The following SAP130 variants were observed in gnomAD, a reference collection of about 807,000 sequenced individuals.
The protein encoded by SAP130 is Sin3A associated protein 130.
A neutral mutation model predicts 103.2 loss-of-function variants in SAP130; 16 were observed. The observed-to-expected ratio is 0.16, with a 90% CI of 0.10 to 0.24. SAP130 has a LOEUF of 0.24. Ranked by LOEUF, SAP130 falls within the 10% of genes least tolerant of loss-of-function variation. The pLI is 1.00. For synonymous variants in SAP130, 477 were observed against 497.0 expected (o/e 0.96, Z 0.53); for missense variants, 990 against 1,359.7 (o/e 0.73, Z 4.28).
chr2:127,950,340 G>A lies in SAP130; in HGVS notation c.2491C>T (p.Pro831Ser). Residue 831 changes from proline to serine, a missense_variant, in exon 17 of 21, where the codon CCT becomes TCT. Physicochemically the swap from Pro to Ser is moderately conservative, Grantham distance 74 (BLOSUM62 -1). Coordinates refer to ENST00000643581, the MANE Select transcript of SAP130 (RefSeq NM_001330301.2). ...LALLANNLSMPTSDLPPGASP... is the reference protein window; with the variant it reads ...LALLANNLSMSTSDLPPGASP... ...GCACCAGGTGGTAGGTCACTTGTAG[G>A]CATGGACAAGTTGTTTGCCAGCAAT... The A allele has an allele frequency of 6.2e-7, 1 of 1,614,148 alleles. No individual in the cohort carries two copies. The highest frequency in any genetic ancestry group is 8.5e-7 in the Non-Finnish European group (1 of 1,179,992).
rs982785425 is a variant in SAP130, at chr2:127,941,951, C to T, written c.*55G>A. On this transcript the variant is annotated 3_prime_UTR_variant, in exon 21 of 21. Transcript: ENST00000643581. ...TTGGAAAAAACCAAAACCCTCCCCC[C>T]ACCCCCACCATCATTCTTCATAAAT... is the stretch of plus-strand genomic sequence containing the variant. 1.9e-5 allele frequency: 6 copies of T among 308,288 alleles called. 1 individual carries two copies. The highest frequency in any genetic ancestry group is 3.6e-5 in the Non-Finnish European group (6 of 165,330). The allele number at this position is 308,288 out of a possible 1,614,324, so 19.1% of individuals were successfully genotyped here.
chr2:128,000,246 T>G, intron 8 of SAP130, 61 bp downstream of exon 8: 1 of 1,610,894 alleles, frequency 6.2e-7, no homozygotes, highest in East Asian at 2.2e-5. Flanking sequence ...CTCAGCACAT[T>G]TTGCCCACTT....
intron 19 of SAP130, among the ~76,000 whole-genome samples, chr2:127,943,303 T>C (rs1281631764): frequency 1.3e-5 from 2 of 152,214 alleles, no homozygotes; most frequent in African/African-American, 4.8e-5. Context: ...GAAGGAGGGA[T>C]TCTTGCCCTA....
intron 15 of SAP130, among the ~76,000 whole-genome samples, chr2:127,959,805 A>C: frequency 6.6e-6 from 1 of 152,332 alleles, no homozygotes; most frequent in East Asian, 1.9e-4. Flanking sequence ...ATGAATCAAA[A>C]AGATAGAAAA....
At chr2:128,022,134 C>T (rs968766925) in intron 2 of SAP130, among the ~76,000 whole-genome samples, 2 of 152,210 alleles carry the variant, frequency 1.3e-5, no homozygotes, top group African/African-American at 4.8e-5. Flanking sequence ...CTCTATTCTC[C>T]AGAAACCACT....
intron 15 of SAP130, among the ~76,000 whole-genome samples, chr2:127,966,238 G>C (rs1680648293): frequency 6.6e-6 from 1 of 152,058 alleles, no homozygotes; most frequent in Non-Finnish European, 1.5e-5. Context: ...AGCTACTCAG[G>C]AGGCTGAGGC....
At chr2:128,016,077 CA>C (rs1246957551) in intron 4 of SAP130, among the ~76,000 whole-genome samples, 2 of 151,930 alleles carry the variant, frequency 1.3e-5, no homozygotes, top group African/African-American at 4.8e-5. Context: ...ACGCTAAAAC[CA>C]AACACGAACC....
chr2:128,020,271 T>C (rs573318239), intron 2 of SAP130, among the ~76,000 whole-genome samples: 2 of 152,348 alleles, frequency 1.3e-5, no homozygotes, highest in Non-Finnish European at 2.9e-5. Flanking sequence ...CAGCTCAAGA[T>C]AGAAAACATT....
intron 15 of SAP130, among the ~76,000 whole-genome samples, chr2:127,970,289 T>A (rs1680984518): frequency 6.8e-6 from 1 of 147,680 alleles, no homozygotes; most frequent in African/African-American, 2.5e-5. Context: ...ATGCCTGTAA[T>A]CCCAGCACTT....
At chr2:127,995,044 G>T (rs1421350852) in intron 11 of SAP130, among the ~76,000 whole-genome samples, 3 of 66,168 alleles carry the variant, frequency 4.5e-5, no homozygotes, top group Non-Finnish European at 3.6e-5. Context: ...ACTACTTTGT[G>T]TATACTGTAT....
chr2:128,017,782 C>G lies in SAP130; in HGVS notation c.246G>C (p.Ser82=). The G allele has an allele frequency of 6.2e-7, 1 of 1,614,156 alleles. No individual in the cohort carries two copies. Among genetic ancestry groups the G allele is most frequent in the Non-Finnish European group, 8.5e-7 (1 of 1,180,036 alleles). The part of the protein sequence containing the change: ...VRPYPQVQML[S]THHAVASATP... The stretch of plus-strand genomic sequence containing the variant: ...TGGCTGATGCGACAGCATGGTGTGT[C>G]GACAACATCTGCACCTGTGGATAGG... The change falls in exon 3 of 21, where the codon TCG becomes TCC. Residue 82 remains serine (S), a synonymous_variant. Coordinates refer to ENST00000643581, the MANE Select transcript of SAP130 (RefSeq NM_001330301.2).
chr2:127,992,065 A>G (rs1178209084), intron 12 of SAP130, among the ~76,000 whole-genome samples: 2 of 151,960 alleles, frequency 1.3e-5, no homozygotes, highest in African/African-American at 2.4e-5. Context: ...TCAACCTCCT[A>G]GGCTCAGGCA....
At chr2:127,995,984 C>T (rs1411521337) in intron 11 of SAP130, among the ~76,000 whole-genome samples, 3 of 152,104 alleles carry the variant, frequency 2.0e-5, no homozygotes, top group Admixed American at 6.6e-5. Flanking sequence ...AGGGAGAGCT[C>T]GGAATCCTTT....
At chr2:127,958,635 T>TGAGAGAGAGAGAGAGAGAGAGA (rs372337440) in intron 15 of SAP130, among the ~76,000 whole-genome samples, 1 of 127,638 alleles carries the variant, frequency 7.8e-6, no homozygotes, top group African/African-American at 3.2e-5. Context: ...GTGAGACAGA[T>TGAGAGAGAGAGAGAGAGAGAGA]GAGAGAGAGA....
intron 15 of SAP130, among the ~76,000 whole-genome samples, chr2:127,972,135 C>T (rs772423921): frequency 6.6e-6 from 1 of 152,094 alleles, no homozygotes; most frequent in Non-Finnish European, 1.5e-5. Context: ...TGGGCCCTAC[C>T]TCCACAACTT....
intron 14 of SAP130, among the ~76,000 whole-genome samples, chr2:127,978,480 C>T (rs1681632741): frequency 6.6e-6 from 1 of 152,136 alleles, no homozygotes; most frequent in African/African-American, 2.4e-5. Flanking sequence ...TATAAAGACC[C>T]CGAAGCCAAG....
chr2:127,955,195 G>A lies in SAP130; in HGVS notation c.2213C>T (p.Ala738Val). The A allele has an allele frequency of 2.5e-6, 4 of 1,614,144 alleles. No homozygotes were observed. The highest frequency in any genetic ancestry group is 3.4e-6 in the Non-Finnish European group (4 of 1,180,018). The stretch of plus-strand genomic sequence containing the variant: ...TGGTTGTGACGGGGGACTGGCTGCT[G>A]CAATCATAGTTGGAATGGTCGGTGG... ...QPPPTIPTMI[A>V]AASPPSQPAV... is the part of the protein sequence containing the mutation. Residue 738 changes from alanine to valine, a missense_variant, in exon 16 of 21, where the codon GCA (alanine) becomes GTA (valine). Ala to Val is a moderately conservative substitution (Grantham distance 64). Around this residue, in one of 6 missense-constraint regions of SAP130, gnomAD observed 349 missense variants for 384.1 expected, o/e 0.91. Coordinates refer to ENST00000643581, the MANE Select transcript of SAP130 (RefSeq NM_001330301.2). This position sits in a 1 kb window ranked among gnomAD's most constrained non-coding sequence, Gnocchi z 4.9.
chr2:127,997,861 C>G (rs932912760), intron 10 of SAP130, among the ~76,000 whole-genome samples: 2 of 152,170 alleles, frequency 1.3e-5, no homozygotes, highest in Non-Finnish European at 2.9e-5. Flanking sequence ...TGCCTATAAT[C>G]CCAACACTTT....
chr2:127,980,422 G>A (rs1356980303), intron 14 of SAP130, among the ~76,000 whole-genome samples: 11 of 152,126 alleles, frequency 7.2e-5, no homozygotes, highest in Non-Finnish European at 1.6e-4. Flanking sequence ...ATTACTCCTG[G>A]TGAGAGTGTA....
Sources: allele counts gnomAD v4.1 joint callset (sites outside exome capture counted in the v4.1 genomes callset), GRCh38; gene constraint gnomAD v4.1.1; regional missense constraint gnomAD v4.1.1; non-coding constraint Gnocchi (gnomAD v3.1); transcripts MANE v1.5; gene names NCBI Gene and HGNC (gene_info 2026-07-23, HGNC 2026-07-21).